Variants in ERI3 observed in about 807,000 individuals in gnomAD.
ERI3 encodes the protein ERI1 exoribonuclease 3.
ERI3 carries 18 observed loss-of-function variants against 44.4 expected under a neutral mutation model. The ratio of observed to expected loss-of-function variants is 0.41; its 90% CI spans 0.28 to 0.60. The LOEUF is 0.60. Among genes scored for constraint, ERI3 ranks in the 20% least tolerant of loss-of-function variants. ERI3 has a pLI of 0.36. For missense variants in ERI3, 294 were observed against 435.5 expected (o/e 0.68, Z 2.89); for synonymous variants, 183 against 164.8 (o/e 1.11, Z -0.84).
At chr1:44,288,285 C>G (rs1390816515) in intron 6 of ERI3, among the ~76,000 whole-genome samples, 1 of 152,144 alleles carries the variant, frequency 6.6e-6, no homozygotes, top group Non-Finnish European at 1.5e-5. Flanking sequence ...TAGTCACTTG[C>G]AGGTACACAT....
chr1:44,288,462 T>C (rs140456396), intron 6 of ERI3, among the ~76,000 whole-genome samples: 3 of 152,252 alleles, frequency 2.0e-5, no homozygotes, highest in Non-Finnish European at 2.9e-5. Flanking sequence ...AAGTGCCTCA[T>C]GGGAAGACAG....
intron 7 of ERI3, among the ~76,000 whole-genome samples, chr1:44,274,305 G>A (rs1460572017): frequency 1.3e-5 from 2 of 152,162 alleles, no homozygotes; most frequent in African/African-American, 4.8e-5. Context: ...CGCTTTATGG[G>A]CTAGTCAAAG....
chr1:44,308,181 C>G, intron 6 of ERI3, 129 bp downstream of exon 6: 1 of 724,694 alleles, frequency 1.4e-6, no homozygotes, highest in Non-Finnish European at 2.5e-6. Flanking sequence ...CGTCTTCTAT[C>G]CCTGATAGCC....
intron 6 of ERI3, among the ~76,000 whole-genome samples, chr1:44,297,756 A>G (rs1645640594): frequency 6.6e-6 from 1 of 152,218 alleles, no homozygotes; most frequent in African/African-American, 2.4e-5. Context: ...GAATTAGAGG[A>G]CAGATTGGCA....
Position 44,221,960 on chromosome 1 carries a change from T to G in ERI3, c.932-320A>C, listed in dbSNP as rs1473199203. Among the ~76,000 whole-genome samples the G allele has an allele frequency of 6.6e-6, 1 of 152,206 alleles. No homozygotes were observed. Among genetic ancestry groups the G allele is most frequent in the African/African-American group, 2.4e-5 (1 of 41,458 alleles). The stretch of plus-strand genomic sequence containing the variant: ...AAAGGCAGAGTAAATGTGTAATTTC[T>G]CCCTTGACGGCCCCCGGCCGCTGGG... On this transcript the variant is annotated intron_variant, in intron 8 of 8. Coordinates refer to ENST00000372257, the MANE Select transcript of ERI3 (RefSeq NM_024066.3). This position sits in a 1 kb window ranked among gnomAD's most constrained non-coding sequence, Gnocchi z 5.9.
chr1:44,233,857 C>A (rs1264052660), intron 8 of ERI3, among the ~76,000 whole-genome samples: 1 of 152,204 alleles, frequency 6.6e-6, no homozygotes, highest in Non-Finnish European at 1.5e-5. Context: ...CACTCAAGAT[C>A]TTATTTCCTC....
intron 6 of ERI3, among the ~76,000 whole-genome samples, chr1:44,304,035 C>A (rs191197270): frequency 6.6e-6 from 1 of 151,942 alleles, no homozygotes; most frequent in Non-Finnish European, 1.5e-5. Flanking sequence ...TTCAGATTTC[C>A]GACAGAACAA....
At chr1:44,340,400 A>C (rs1646629012) in intron 2 of ERI3, among the ~76,000 whole-genome samples, 1 of 152,230 alleles carries the variant, frequency 6.6e-6, no homozygotes, top group Non-Finnish European at 1.5e-5. Flanking sequence ...ACAATACAGT[A>C]ATGGCCATAG....
intron 7 of ERI3, among the ~76,000 whole-genome samples, chr1:44,270,979 A>T (rs1365036668): frequency 6.6e-6 from 1 of 152,208 alleles, no homozygotes; most frequent in Non-Finnish European, 1.5e-5. Context: ...ATTTACCATA[A>T]GGATATAGAG....
At chr1:44,248,933 G>C (rs963152493) in intron 7 of ERI3, among the ~76,000 whole-genome samples, 3 of 150,428 alleles carry the variant, frequency 2.0e-5, no homozygotes, top group South Asian at 2.1e-4. Flanking sequence ...CACCTGGGGG[G>C]GGGACACACG....
At chr1:44,281,589 A>G (rs1385789662) in intron 7 of ERI3, among the ~76,000 whole-genome samples, 4 of 77,220 alleles carry the variant, frequency 5.2e-5, no homozygotes, top group South Asian at 5.8e-4. Context: ...CCCCGTCTCG[A>G]AAAAAAAAAA....
chr1:44,312,490 A>G (rs1225871103), intron 5 of ERI3, among the ~76,000 whole-genome samples: 1 of 152,086 alleles, frequency 6.6e-6, no homozygotes, highest in Non-Finnish European at 1.5e-5. Flanking sequence ...CGCAAGAAAC[A>G]GCATCTTAAC....
chr1:44,310,963 G>GCACA (rs58344074), intron 5 of ERI3, among the ~76,000 whole-genome samples: 20 of 123,238 alleles, frequency 1.6e-4, no homozygotes, highest in South Asian at 2.9e-4. Context: ...GCGCGCGCGC[G>GCACA]CACACACACA....
At position 44,290,495 on chromosome 1, in the gene ERI3, T is replaced by C. The variant is rs376324969; in HGVS notation, c.759-5588A>G. 1.5e-4 allele frequency among the ~76,000 whole-genome samples: 23 copies of C among 152,286 alleles called. 1 individual carries two copies. The East Asian group carries it at 2.5e-3, about 17-fold the overall frequency. On this transcript the variant is annotated intron_variant, in intron 6 of 8. Transcript: ENST00000372257. Reference sequence around the variant, plus strand: ...CCCTAGCGGCCCTGCAGCTCATAACTGCCACGATTTCCTATGCTTCTCTCC... The same window carrying C: ...CCCTAGCGGCCCTGCAGCTCATAACCGCCACGATTTCCTATGCTTCTCTCC...
At chr1:44,322,996 T>A in intron 3 of ERI3, 2 of 1,266,128 alleles carry the variant, frequency 1.6e-6, no homozygotes, top group Non-Finnish European at 2.1e-6. Flanking sequence ...GTTGCTCAGA[T>A]AATGAAACTG....
chr1:44,355,136 GC>G lies in ERI3; in HGVS notation c.-111del. On this transcript the variant is annotated 5_prime_UTR_variant, in exon 1 of 9. Transcript: ENST00000372257. ...AGGGCAGTTGGCGGCGGCGGGCGCG[GC>G]CCGCGCCGACTGCGGCGCCGGCCAG... The G allele has an allele frequency of 2.4e-6, 3 of 1,227,074 alleles. No homozygotes were observed. Among genetic ancestry groups the G allele is most frequent in the Non-Finnish European group, 3.1e-6 (3 of 980,130 alleles). The allele number at this position is 1,227,074 out of a possible 1,614,324, so 76.0% of individuals were successfully genotyped here. A position where few individuals can be genotyped will look rare whatever the true frequency, so the allele number is the denominator to read the frequency against.
At chr1:44,274,499 G>A (rs1256917304) in intron 7 of ERI3, among the ~76,000 whole-genome samples, 1 of 152,192 alleles carries the variant, frequency 6.6e-6, no homozygotes, top group Non-Finnish European at 1.5e-5. Flanking sequence ...CATATTTAAA[G>A]GAAAAGCCCA....
At chr1:44,258,343 C>T (rs1314128865) in intron 7 of ERI3, among the ~76,000 whole-genome samples, 1 of 152,138 alleles carries the variant, frequency 6.6e-6, no homozygotes, top group East Asian at 1.9e-4. Context: ...GGCACTACCG[C>T]CACCACCACC....
chr1:44,267,509 G>A (rs935698488), intron 7 of ERI3, among the ~76,000 whole-genome samples: 1 of 152,200 alleles, frequency 6.6e-6, no homozygotes, highest in African/African-American at 2.4e-5. Context: ...CAGATAATGG[G>A]CATTTTATAT....
Sources: gnomAD v4.1 joint callset for allele counts (sites outside exome capture counted in the v4.1 genomes callset) on GRCh38, gnomAD v4.1.1 for gene constraint, Gnocchi (gnomAD v3.1) non-coding constraint, MANE v1.5 for transcripts, NCBI Gene and HGNC (gene_info 2026-07-23, HGNC 2026-07-21) for gene names.